The following GFRA1 variants were observed in gnomAD, a reference collection of about 807,000 sequenced individuals.
GFRA1 encodes the protein GDNF family receptor alpha 1.
Under a neutral mutation model 51.6 loss-of-function variants are expected in GFRA1, and 16 were observed. The ratio of observed to expected loss-of-function variants is 0.31; its 90% CI spans 0.21 to 0.47. GFRA1 has a LOEUF of 0.47. Among genes scored for constraint, GFRA1 ranks in the 20% least tolerant of loss-of-function variants. The probability of loss-of-function intolerance (pLI) is 1.00; values close to 1 mark genes in which losing one functional copy is unlikely to be tolerated. For missense variants in GFRA1, 530 were observed against 594.3 expected (o/e 0.89, Z 1.13); for synonymous variants, 270 against 241.3 (o/e 1.12, Z -1.10).
intron 5 of GFRA1, among the ~76,000 whole-genome samples, chr10:116,159,216 T>C (rs905615094): frequency 1.3e-5 from 2 of 152,188 alleles, no homozygotes; most frequent in African/African-American, 4.8e-5. Flanking sequence ...AGTTACCTTC[T>C]GACCCTACCT....
chr10:116,258,582 T>C (rs534865250), intron 4 of GFRA1, among the ~76,000 whole-genome samples: 2 of 152,056 alleles, frequency 1.3e-5, no homozygotes, highest in South Asian at 4.1e-4. Context: ...CACTTCACTT[T>C]CATGGGATAT....
chr10:116,207,890 G>C (rs1009969523), intron 5 of GFRA1, among the ~76,000 whole-genome samples: 4 of 152,090 alleles, frequency 2.6e-5, no homozygotes, highest in African/African-American at 9.7e-5. Flanking sequence ...GACTCTTGAA[G>C]CACGGCAGTT....
At chr10:116,073,619 C>G (rs916850900) in intron 9 of GFRA1, among the ~76,000 whole-genome samples, 1 of 152,044 alleles carries the variant, frequency 6.6e-6, no homozygotes, top group Admixed American at 6.5e-5. Context: ...AGGGATGGCC[C>G]TAAAATGAAA....
intron 4 of GFRA1, among the ~76,000 whole-genome samples, chr10:116,244,033 C>T (rs1228363798): frequency 6.6e-6 from 1 of 152,034 alleles, no homozygotes; most frequent in Non-Finnish European, 1.5e-5. Flanking sequence ...CATAAGGTTG[C>T]CTTAAAGACC....
intron 7 of GFRA1, 89 bp downstream of exon 7, chr10:116,096,566 C>T (rs1383918882): frequency 5.3e-6 from 4 of 755,462 alleles, no homozygotes; most frequent in African/African-American, 3.4e-5. Flanking sequence ...GAGATTTTCA[C>T]TTCTGCAGAC....
chr10:116,101,107 T>G (rs1956802427), intron 6 of GFRA1, among the ~76,000 whole-genome samples: 1 of 152,220 alleles, frequency 6.6e-6, no homozygotes, highest in African/African-American at 2.4e-5. Flanking sequence ...CCTGAGCACC[T>G]ACTGTATGCA....
Position 116,272,036 on chromosome 10 carries a change from G to C in GFRA1, c.-7C>G, listed in dbSNP as rs1028675745. ...ACAGGGTCGCCAGGAACATGGTGCC[G>C]GCGCGGGGCTGGTCCCCGCCCCCCC... is the stretch of plus-strand genomic sequence containing the variant. On this transcript the variant is annotated 5_prime_UTR_variant, in exon 2 of 11. Coordinates refer to ENST00000355422, the MANE Select transcript of GFRA1 (RefSeq NM_005264.8). The surrounding 1 kb of genome is among the most constrained non-coding windows in gnomAD (Gnocchi z 4.4). The C allele has an allele frequency of 1.9e-6, 3 of 1,554,376 alleles. No individual in the cohort carries two copies. Among genetic ancestry groups the C allele is most frequent in the Non-Finnish European group, 2.6e-6 (3 of 1,149,888 alleles).
At chr10:116,212,563 C>CACAT (rs1391622992) in intron 4 of GFRA1, among the ~76,000 whole-genome samples, 1 of 128,370 alleles carries the variant, frequency 7.8e-6, no homozygotes, top group Non-Finnish European at 1.7e-5. Context: ...CACACACACA[C>CACAT]ACATCTAGTT....
Position 116,062,064 on chromosome 10 carries a change from T to C in GFRA1, c.*2334A>G. ...ACAGATGAGGCTTTTCAAAATGTAA[T>C]TTATATATTGCCTACCCATGCATTC... On this transcript the variant is annotated 3_prime_UTR_variant, in exon 11 of 11. Transcript: ENST00000355422. 2.5e-6 allele frequency: 1 copy of C among 398,596 alleles called. No individual in the cohort carries two copies. Among genetic ancestry groups the C allele is most frequent in the Non-Finnish European group, 4.4e-6 (1 of 226,050 alleles). The allele number at this position is 398,596 out of a possible 1,614,324, so 24.7% of individuals were successfully genotyped here.
chr10:116,259,800 C>A (rs1381091788), intron 4 of GFRA1, among the ~76,000 whole-genome samples: 1 of 152,210 alleles, frequency 6.6e-6, no homozygotes, highest in Non-Finnish European at 1.5e-5. Context: ...CAGGTATCAG[C>A]TGTGTGGCCT....
At chr10:116,270,682 G>C in intron 3 of GFRA1, 140 bp downstream of exon 3, 1 of 686,782 alleles carries the variant, frequency 1.5e-6, no homozygotes, top group Non-Finnish European at 2.5e-6. Context: ...AGCTGCCGTT[G>C]TCCCTGGGGG....
chr10:116,273,133 A>G (rs1844082318), intron 1 of GFRA1, 30 bp downstream of exon 1: 2 of 152,158 alleles, frequency 1.3e-5, no homozygotes, highest in South Asian at 4.1e-4. Context: ...GTTCCCAAAC[A>G]GAACGAAAAA....
chr10:116,273,719 C>G (rs559303034), upstream of GFRA1, among the ~76,000 whole-genome samples: 1 of 152,300 alleles, frequency 6.6e-6, no homozygotes, highest in South Asian at 2.1e-4. Flanking sequence ...GACACACACA[C>G]ACACATACAC....
chr10:116,125,364 G>A lies in GFRA1; in HGVS notation c.627C>T (p.Tyr209=), dbSNP rs780200224. 8 of 1,614,142 alleles carry A rather than the reference G, an allele frequency of 5.0e-6. No individual in the cohort carries two copies. The highest frequency in any genetic ancestry group is 2.2e-5 in the East Asian group (1 of 44,894). The change falls in exon 6 of 11, where the codon TAC becomes TAT. Residue 209 remains tyrosine (Y), a synonymous_variant. Transcript: ENST00000355422. ...FFDKVPAKHS[Y]GMLFCSCRDI... is the part of the protein sequence containing the mutation. ...CCCGGCAGGAGCAGAAGAGCATTCCGTAGCTGTGCTTGGCCGGGACCTTGT... is the reference window on the plus strand; with the variant it reads ...CCCGGCAGGAGCAGAAGAGCATTCCATAGCTGTGCTTGGCCGGGACCTTGT...
At chr10:116,154,372 TACAGCAATTAAAATTA>T (rs1045708662) in intron 5 of GFRA1, among the ~76,000 whole-genome samples, 2 of 152,198 alleles carry the variant, frequency 1.3e-5, no homozygotes, top group African/African-American at 4.8e-5. Context: ...TAGAAAAACA[TACAGCAATTAAAATTA>T]ACAAATTATT....
intron 5 of GFRA1, among the ~76,000 whole-genome samples, chr10:116,131,070 A>G (rs922194219): frequency 6.6e-6 from 1 of 152,172 alleles, no homozygotes; most frequent in East Asian, 1.9e-4. Context: ...CCCAAATCTC[A>G]ATATAAGAAA....
At chr10:116,169,878 A>G (rs956380979) in intron 5 of GFRA1, among the ~76,000 whole-genome samples, 7 of 152,170 alleles carry the variant, frequency 4.6e-5, no homozygotes, top group African/African-American at 1.7e-4. Context: ...GACAGCACAT[A>G]CTAAAAGAGC....
chr10:116,061,936 A>G lies in GFRA1; in HGVS notation c.*2462T>C. On this transcript the variant is annotated 3_prime_UTR_variant, in exon 11 of 11. Transcript: ENST00000355422. ...CTCTAACGTGTTGTCCCTGAACAAG[A>G]TGCTTCCCCCTATTTATTTAATCAG... 2.5e-6 allele frequency: 1 copy of G among 398,548 alleles called. No individual in the cohort carries two copies. Among genetic ancestry groups the G allele is most frequent in the Non-Finnish European group, 4.4e-6 (1 of 226,004 alleles). The allele number at this position is 398,548 out of a possible 1,614,324, so 24.7% of individuals were successfully genotyped here. A position where few individuals can be genotyped will look rare whatever the true frequency, so the allele number is the denominator to read the frequency against.
Position 116,153,671 on chromosome 10 carries a change from A to G in GFRA1, c.434-28114T>C, listed in dbSNP as rs376646533. Among the ~76,000 whole-genome samples the G allele has an allele frequency of 4.7e-4, 71 of 152,372 alleles. 2 individuals are homozygous for G. In the South Asian group the frequency reaches 0.015, roughly 31 times the overall value. On this transcript the variant is annotated intron_variant, in intron 5 of 10. Coordinates refer to ENST00000355422, the MANE Select transcript of GFRA1 (RefSeq NM_005264.8). The stretch of plus-strand genomic sequence containing the variant: ...ACTATAAGAAATGAGAAACTATATT[A>G]ATGACTTGGAGTAAGCAAAGATTTC...
Sources: allele counts gnomAD v4.1 joint callset (sites outside exome capture counted in the v4.1 genomes callset), GRCh38; gene constraint gnomAD v4.1.1; non-coding constraint Gnocchi (gnomAD v3.1); transcripts MANE v1.5; gene names NCBI Gene and HGNC (gene_info 2026-07-23, HGNC 2026-07-21).